Variants in ADAM9 observed in about 807,000 individuals in gnomAD.
ADAM9 encodes ADAM metallopeptidase domain 9.
ADAM9 carries 54 observed loss-of-function variants against 108.1 expected under a neutral mutation model. The observed-to-expected ratio is 0.50, with a 90% CI of 0.40 to 0.63. ADAM9 has a LOEUF of 0.63. Ranked by LOEUF, ADAM9 falls within the 20% of genes least tolerant of loss-of-function variation. ADAM9 has a pLI of 0.00. For missense variants in ADAM9, 830 were observed against 997.7 expected, an observed-to-expected ratio of 0.83 and a Z score of 2.26; for synonymous variants, 316 against 336.0, an observed-to-expected ratio of 0.94 and a Z score of 0.65.
At chr8:39,092,671 T>G (rs1839393967) in intron 20 of ADAM9, among the ~76,000 whole-genome samples, 1 of 152,182 alleles carries the variant, frequency 6.6e-6, no homozygotes, top group African/African-American at 2.4e-5. Flanking sequence ...ATCTTAACAA[T>G]TTTTACATGT....
At chr8:39,008,146 A>G (rs184312618) in intron 2 of ADAM9, among the ~76,000 whole-genome samples, 163 bp downstream of exon 2, 8 of 152,134 alleles carry the variant, frequency 5.3e-5, no homozygotes, top group Admixed American at 3.9e-4. Context: ...TTATGCTAGT[A>G]AAAGCAACAT....
intron 12 of ADAM9, among the ~76,000 whole-genome samples, chr8:39,049,735 G>A (rs890094974): frequency 7.9e-5 from 12 of 152,120 alleles, no homozygotes; most frequent in South Asian, 4.2e-4. Flanking sequence ...CACTGCGCCC[G>A]GCCTATAGTT....
At chr8:39,018,973 C>G (rs1361665381) in intron 7 of ADAM9, 55 bp downstream of exon 7, 17 of 1,461,714 alleles carry the variant, frequency 1.2e-5, no homozygotes, top group Non-Finnish European at 1.3e-5. Flanking sequence ...GAGAAGTGAG[C>G]ATTTAATGAA....
chr8:39,083,914 C>T (rs575969380), intron 18 of ADAM9, among the ~76,000 whole-genome samples: 6 of 152,228 alleles, frequency 3.9e-5, no homozygotes, highest in Middle Eastern at 6.8e-3. Flanking sequence ...TGTTTCCCAA[C>T]GTGGCTATAC....
intron 14 of ADAM9, among the ~76,000 whole-genome samples, chr8:39,070,409 C>T (rs2129441227): frequency 6.6e-6 from 1 of 152,164 alleles, no homozygotes; most frequent in South Asian, 2.1e-4. Context: ...ACATAATCTC[C>T]AGAAATATAT....
intron 20 of ADAM9, 66 bp from the exon 21 acceptor site, chr8:39,101,797 C>T: frequency 8.0e-7 from 1 of 1,250,282 alleles, no homozygotes; most frequent in Non-Finnish European, 1.2e-6. Context: ...ATGTAGATTT[C>T]TTCTATTTAG....
In ADAM9 at chr8:39,017,299, G is replaced by T; in HGVS notation, c.491G>T (p.Arg164Leu). Residue 164 changes from arginine (R) to leucine (L), a missense_variant, in exon 6 of 22, where the codon CGA becomes CTA. Physicochemically the swap from Arg to Leu is moderately radical, Grantham distance 102. This residue lies in a region of ADAM9 where 211 missense variants were observed against 222.2 expected (regional missense o/e 0.95). Transcript: ENST00000487273. ...NSSHFEHIIYRMDDVYKEPLK... is the reference protein window; with the variant it reads ...NSSHFEHIIYLMDDVYKEPLK... ...TCTCATTTTGAGCACATCATTTATCGAATGGATGATGTCTACAAAGAGCCT... is the reference window on the plus strand; with the variant it reads ...TCTCATTTTGAGCACATCATTTATCTAATGGATGATGTCTACAAAGAGCCT... 6.2e-7 allele frequency: 1 copy of T among 1,613,978 alleles called. No homozygotes were observed. The highest frequency in any genetic ancestry group is 1.3e-5 in the African/African-American group (1 of 75,008).
chr8:39,092,455 G>T (rs149504636), intron 20 of ADAM9, among the ~76,000 whole-genome samples: 1 of 151,586 alleles, frequency 6.6e-6, no homozygotes, highest in Non-Finnish European at 1.5e-5. Context: ...TTTCCATGTT[G>T]TTATGTATAC....
chr8:38,999,006 C>T (rs1253412761), intron 1 of ADAM9, among the ~76,000 whole-genome samples: 1 of 152,034 alleles, frequency 6.6e-6, no homozygotes, highest in Non-Finnish European at 1.5e-5. Flanking sequence ...AAACGGGCAA[C>T]ACGGTGGAGG....
In ADAM9 at chr8:39,045,086, ACATACATATGTGTGTGTG is replaced by A. The variant is rs1225121406; in HGVS notation, c.1302+2978_1302+2995del. Among the ~76,000 whole-genome samples, 3 of 19,354 alleles carry A rather than the reference ACATACATATGTGTGTGTG, an allele frequency of 1.6e-4. 1 individual carries two copies. The highest frequency in any genetic ancestry group is 3.7e-3 in the East Asian group (1 of 268). 12.7% of individuals were successfully genotyped at this position (19,354 alleles called of 152,430 possible). ...CATACATACATATGTGTGTGTGCAT[ACATACATATGTGTGTGTG>A]CATACATACATATGTGTGTGTGCAT... On this transcript the variant is annotated intron_variant, in intron 12 of 21. Coordinates refer to ENST00000487273, the MANE Select transcript of ADAM9 (RefSeq NM_003816.3).
intron 14 of ADAM9, among the ~76,000 whole-genome samples, chr8:39,068,192 G>A (rs1838552792): frequency 6.6e-6 from 1 of 152,156 alleles, no homozygotes; most frequent in South Asian, 2.1e-4. Context: ...CAAAGGAGGG[G>A]AATAAGAAGC....
intron 16 of ADAM9, among the ~76,000 whole-genome samples, chr8:39,077,909 G>A (rs540072663): frequency 2.0e-5 from 3 of 152,270 alleles, no homozygotes; most frequent in South Asian, 4.1e-4. Flanking sequence ...AATTAAGGAG[G>A]GTAATTAAGA....
chr8:39,017,441 G>A (rs1008229384), intron 6 of ADAM9, 27 bp downstream of exon 6: 1 of 1,599,172 alleles, frequency 6.3e-7, no homozygotes, highest in African/African-American at 1.3e-5. Flanking sequence ...ATTCTTCATG[G>A]CTCAGACTAC....
chr8:39,050,830 G>GTTTTTT (rs58115667), intron 12 of ADAM9, among the ~76,000 whole-genome samples: 1 of 85,236 alleles, frequency 1.2e-5, no homozygotes. Flanking sequence ...GCTTGGAAGT[G>GTTTTTT]TTTTTTTTTT....
intron 14 of ADAM9, among the ~76,000 whole-genome samples, chr8:39,061,472 A>G (rs573836644): frequency 8.5e-5 from 13 of 152,260 alleles, no homozygotes; most frequent in Middle Eastern, 3.4e-3. Flanking sequence ...GGTTTGCTCA[A>G]TTATTTCAGA....
intron 11 of ADAM9, among the ~76,000 whole-genome samples, chr8:39,028,451 G>C (rs1233840661): frequency 6.6e-6 from 1 of 152,172 alleles, no homozygotes; most frequent in Non-Finnish European, 1.5e-5. Flanking sequence ...GATTTGCTTT[G>C]GCCAGCAGTG....
In ADAM9 at chr8:38,997,170, C is replaced by G. The variant is rs543712046; in HGVS notation, c.97+10C>G. ...GGTGCGGCGCGGCCAGGTGGGTGTC[C>G]GCGCCCCGGGTCGGTTGGGACGGCT... On this transcript the variant is annotated intron_variant, in intron 1 of 21. Transcript: ENST00000487273. 4.4e-6 allele frequency: 7 copies of G among 1,595,486 alleles called. No individual in the cohort carries two copies. The South Asian group carries it at 7.7e-5, about 18-fold the overall frequency.
At chr8:39,025,386 C>A (rs1836886651) in intron 9 of ADAM9, among the ~76,000 whole-genome samples, 1 of 152,154 alleles carries the variant, frequency 6.6e-6, no homozygotes, top group Non-Finnish European at 1.5e-5. Context: ...CATGAGCCAC[C>A]ACGTCTGGCC....
At chr8:39,025,921 A>C in intron 10 of ADAM9, 37 bp downstream of exon 10, 1 of 1,577,288 alleles carries the variant, frequency 6.3e-7, no homozygotes, top group Non-Finnish European at 8.7e-7. Flanking sequence ...GGATGTTTGC[A>C]CTGGGACAAT....
Sources: gnomAD v4.1 joint callset for allele counts (sites outside exome capture counted in the v4.1 genomes callset) on GRCh38, gnomAD v4.1.1 for gene constraint, gnomAD v4.1.1 regional missense constraint, MANE v1.5 for transcripts, NCBI Gene and HGNC (gene_info 2026-07-23, HGNC 2026-07-21) for gene names.